SYNPO2: variants seen among roughly 807,000 people sequenced by gnomAD.
The protein encoded by SYNPO2 is synaptopodin 2.
A neutral mutation model predicts 85.0 loss-of-function variants in SYNPO2; 56 were observed. That is an observed-to-expected ratio of 0.66 (90% CI 0.53 to 0.82). The LOEUF (loss-of-function observed/expected upper bound fraction) is 0.82. Ranked by LOEUF, SYNPO2 falls within the 40% of genes least tolerant of loss-of-function variation. The pLI is 0.00. For synonymous variants in SYNPO2, 602 were observed against 591.1 expected (o/e 1.02, Z -0.27); for missense variants, 1,575 against 1,534.2 (o/e 1.03, Z -0.44).
At chr4:118,935,411 G>A (rs893714998) in intron 1 of SYNPO2, among the ~76,000 whole-genome samples, 4 of 152,060 alleles carry the variant, frequency 2.6e-5, no homozygotes, top group African/African-American at 7.2e-5. Context: ...TTTTGTTGTC[G>A]TGGACCTGAT....
intron 4 of SYNPO2, chr4:119,041,941 C>T (rs1025637460): frequency 3.9e-5 from 6 of 152,202 alleles, no homozygotes; most frequent in African/African-American, 1.2e-4. Flanking sequence ...CTGTGAACTA[C>T]ACTTTGAATA....
intron 1 of SYNPO2, among the ~76,000 whole-genome samples, chr4:118,919,335 T>C (rs1171774593): frequency 1.3e-5 from 2 of 152,166 alleles, no homozygotes; most frequent in East Asian, 3.9e-4. Flanking sequence ...CTGAAACCTC[T>C]TTGTAGTCAC....
chr4:118,880,516 G>A (rs1379632555), intron 1 of SYNPO2, among the ~76,000 whole-genome samples: 1 of 151,774 alleles, frequency 6.6e-6, no homozygotes, highest in African/African-American at 2.4e-5. Flanking sequence ...TTGGGAGGCT[G>A]AGGCAGTTGG....
rs770008859 is a variant in SYNPO2, at chr4:119,031,826, G to A, written c.3051G>A (p.Thr1017=). ...GGCCAGTGAATGCTGCCTCACCTACGAATGTGCAGGCTTCGTCAGTGTACT... is the reference window on the plus strand; with the variant it reads ...GGCCAGTGAATGCTGCCTCACCTACAAATGTGCAGGCTTCGTCAGTGTACT... ...PPRPVNAASP[T]NVQASSVYSV... Residue 1017 remains threonine (T), a synonymous_variant, in exon 4 of 5, where the codon ACG becomes ACA. Coordinates refer to ENST00000307142, the MANE Select transcript of SYNPO2 (RefSeq NM_133477.3). The A allele has an allele frequency of 1.9e-6, 3 of 1,614,180 alleles. No homozygotes were observed. The highest frequency in any genetic ancestry group is 2.5e-6 in the Non-Finnish European group (3 of 1,180,032).
chr4:118,950,378 C>T (rs1367201013), intron 1 of SYNPO2, among the ~76,000 whole-genome samples: 1 of 152,176 alleles, frequency 6.6e-6, no homozygotes, highest in Non-Finnish European at 1.5e-5. Flanking sequence ...CCACACAGGA[C>T]AGCCCAGGGA....
At chr4:118,924,890 G>C (rs946376004) in intron 1 of SYNPO2, among the ~76,000 whole-genome samples, 4 of 152,176 alleles carry the variant, frequency 2.6e-5, no homozygotes, top group African/African-American at 7.2e-5. Context: ...CAAATAGTGT[G>C]CATTTGAGTT....
In SYNPO2 at chr4:118,853,227, C is replaced by T. The variant is rs150079832; in HGVS notation, c.12+2287C>T. 8.1e-4 allele frequency among the ~76,000 whole-genome samples: 124 copies of T among 152,230 alleles called. 1 individual carries two copies. The highest frequency in any genetic ancestry group is 2.6e-3 in the African/African-American group (107 of 41,536). ...TCAGCTCATAGCAAAAGTTCTGGGGCTTAGTAGGTTCTCAACAGATGTTTG... is the reference window on the plus strand; with the variant it reads ...TCAGCTCATAGCAAAAGTTCTGGGGTTTAGTAGGTTCTCAACAGATGTTTG... On this transcript the variant is annotated intron_variant, in intron 1 of 4. Transcript: ENST00000610556.
chr4:119,002,852 C>CATTCTAGGTTAT (rs1553945502), intron 1 of SYNPO2, among the ~76,000 whole-genome samples: 9 of 151,608 alleles, frequency 5.9e-5, no homozygotes, highest in African/African-American at 2.2e-4. Context: ...CTGGGTATAG[C>CATTCTAGGTTAT]ATTCTAGGCT....
At chr4:118,916,499 T>C (rs1178166685) in intron 1 of SYNPO2, among the ~76,000 whole-genome samples, 1 of 151,898 alleles carries the variant, frequency 6.6e-6, no homozygotes, top group Non-Finnish European at 1.5e-5. Flanking sequence ...AGTTAATGGT[T>C]TCAGGTTTTG....
chr4:119,036,016 C>A, intron 4 of SYNPO2: 1 of 985,276 alleles, frequency 1.0e-6, no homozygotes, highest in South Asian at 4.7e-5. Flanking sequence ...TTAGTGTCTG[C>A]GTTTAGATTT....
intron 1 of SYNPO2, among the ~76,000 whole-genome samples, chr4:118,857,620 C>T (rs1158282986): frequency 6.6e-6 from 1 of 152,088 alleles, no homozygotes; most frequent in Admixed American, 6.6e-5. Flanking sequence ...AAATTACTAA[C>T]ATTTAGAGTT....
intron 1 of SYNPO2, among the ~76,000 whole-genome samples, chr4:118,923,140 A>G (rs1015961428): frequency 2.6e-5 from 4 of 152,144 alleles, no homozygotes; most frequent in African/African-American, 9.7e-5. Flanking sequence ...CATGGAATCA[A>G]CCTAAATGCC....
intron 1 of SYNPO2, among the ~76,000 whole-genome samples, chr4:118,998,563 T>C (rs1036098146): frequency 1.3e-5 from 2 of 152,190 alleles, no homozygotes; most frequent in African/African-American, 4.8e-5. Flanking sequence ...AGTATTAATA[T>C]CTTAGTGCCT....
At chr4:118,964,941 T>A (rs1735255117) in intron 1 of SYNPO2, among the ~76,000 whole-genome samples, 2 of 152,174 alleles carry the variant, frequency 1.3e-5, no homozygotes, top group African/African-American at 2.4e-5. Context: ...CTGACTGGAA[T>A]CAGCACAAAG....
At chr4:118,867,915 A>G (rs1448076665) in intron 1 of SYNPO2, among the ~76,000 whole-genome samples, 3 of 152,070 alleles carry the variant, frequency 2.0e-5, no homozygotes, top group African/African-American at 4.8e-5. Flanking sequence ...TTCAATGATC[A>G]TTATCTGATT....
chr4:118,874,680 G>A (rs899883620), intron 1 of SYNPO2, among the ~76,000 whole-genome samples: 1 of 151,950 alleles, frequency 6.6e-6, no homozygotes, highest in Non-Finnish European at 1.5e-5. Context: ...ACAATTCAAT[G>A]GTGGTGTGGA....
chr4:119,037,062 T>C (rs1294694828), intron 4 of SYNPO2: 1 of 1,514,696 alleles, frequency 6.6e-7, no homozygotes, highest in Admixed American at 2.1e-5. Context: ...TTTACCTCTG[T>C]TTATGTCATT....
intron 1 of SYNPO2, among the ~76,000 whole-genome samples, chr4:118,897,321 C>A (rs999990370): frequency 3.3e-4 from 51 of 152,266 alleles, no homozygotes; most frequent in African/African-American, 1.2e-3. Context: ...CCTCCCTCAA[C>A]ATGTGAGGAT....
rs1319671253 is a variant in SYNPO2, at chr4:119,030,937, G to A, written c.2162G>A (p.Arg721Gln). Reference sequence around the variant, plus strand: ...CTCCTTCAAAATTCAGAAGGCAAACGGGGCACTGGAGCTGGAGGTGATTCC... The same window carrying A: ...CTCCTTCAAAATTCAGAAGGCAAACAGGGCACTGGAGCTGGAGGTGATTCC... The part of the protein sequence containing the change: ...LSLLQNSEGK[R>Q]GTGAGGDSGP... Residue 721 changes from arginine to glutamine, a missense_variant, in exon 4 of 5, where the codon CGG (arginine) becomes CAG (glutamine). By Grantham distance (43) the Arg-to-Gln change is conservative (BLOSUM62 1). Around this residue, in one of 3 missense-constraint regions of SYNPO2, gnomAD observed 1,508 missense variants for 1,446.8 expected, o/e 1.04. Coordinates refer to ENST00000307142, the MANE Select transcript of SYNPO2 (RefSeq NM_133477.3). The A allele has an allele frequency of 1.2e-6, 2 of 1,614,010 alleles. No individual in the cohort carries two copies. The highest frequency in any genetic ancestry group is 2.2e-5 in the East Asian group (1 of 44,898).
Sources: gnomAD v4.1 joint callset for allele counts (sites outside exome capture counted in the v4.1 genomes callset) on GRCh38, gnomAD v4.1.1 for gene constraint, gnomAD v4.1.1 regional missense constraint, MANE v1.5 for transcripts, NCBI Gene and HGNC (gene_info 2026-07-23, HGNC 2026-07-21) for gene names.